GPR149: variants seen among roughly 807,000 people sequenced by gnomAD.
GPR149 encodes probable G protein-coupled receptor 149.
A neutral mutation model predicts 50.2 loss-of-function variants in GPR149; 50 were observed. The ratio of observed to expected loss-of-function variants is 1.00; its 90% confidence interval spans 0.79 to 1.26. The LOEUF (loss-of-function observed/expected upper bound fraction) is 1.26, where lower values mean the gene tolerates loss of function less well. GPR149 is among the 50% of genes most tolerant of loss of function. GPR149 has a pLI of 0.00. For synonymous variants in GPR149, 405 were observed against 358.2 expected, an observed-to-expected ratio of 1.13 and a Z score of -1.48; for missense variants, 983 against 895.4, an observed-to-expected ratio of 1.10 and a Z score of -1.25.
intron 3 of GPR149, among the ~76,000 whole-genome samples, chr3:154,369,567 C>T (rs536886689): frequency 2.0e-4 from 31 of 152,270 alleles, no homozygotes; most frequent in Non-Finnish European, 3.4e-4. Flanking sequence ...AAAGGCACAC[C>T]GGAAAGAGAA....
chr3:154,403,513 T>C (rs184454912), intron 3 of GPR149, among the ~76,000 whole-genome samples: 68 of 152,314 alleles, frequency 4.5e-4, no homozygotes, highest in African/African-American at 1.5e-3. Context: ...AGAACCAGAT[T>C]TCAAGGGGCT....
chr3:154,382,351 G>T (rs16823939), intron 3 of GPR149, among the ~76,000 whole-genome samples: 18,661 of 152,142 alleles, frequency 0.12, 1,310 homozygotes, highest in East Asian at 0.22. Context: ...AACACCAGGG[G>T]TCAGATGTAG....
intron 3 of GPR149, among the ~76,000 whole-genome samples, chr3:154,375,260 A>G (rs993695549): frequency 6.6e-6 from 1 of 152,176 alleles, no homozygotes; most frequent in East Asian, 1.9e-4. Context: ...GTTCCATGCC[A>G]AAACATTACA....
chr3:154,343,454 AGGG>A (rs1431556896), intron 3 of GPR149, among the ~76,000 whole-genome samples: 3 of 152,188 alleles, frequency 2.0e-5, no homozygotes, highest in African/African-American at 7.2e-5. Context: ...TCCAGGAGGT[AGGG>A]GTAGGGTACT....
intron 3 of GPR149, among the ~76,000 whole-genome samples, chr3:154,375,645 T>C (rs1388653529): frequency 6.6e-6 from 1 of 152,172 alleles, no homozygotes; most frequent in African/African-American, 2.4e-5. Flanking sequence ...TGTCCCTGAT[T>C]ATGGAAAGTA....
intron 3 of GPR149, among the ~76,000 whole-genome samples, chr3:154,418,841 T>C (rs1251639691): frequency 1.3e-5 from 2 of 152,008 alleles, no homozygotes; most frequent in Admixed American, 1.3e-4. Context: ...GAGGTCACTA[T>C]TCAACTTTGA....
At chr3:154,390,280 T>C (rs1345803124) in intron 3 of GPR149, among the ~76,000 whole-genome samples, 2 of 152,106 alleles carry the variant, frequency 1.3e-5, no homozygotes, top group Non-Finnish European at 2.9e-5. Context: ...ATGATTTACC[T>C]GATAGAAAAT....
At position 154,429,818 on chromosome 3, in the gene GPR149, G is replaced by T; in HGVS notation, c.-203C>A. On this transcript the variant is annotated 5_prime_UTR_variant, in exon 1 of 4. The change creates a premature stop within an existing upstream ORF in the 5' untranslated region. Transcript: ENST00000389740. ...ATTTAAAAATTAGGTTCCATTTCAA[G>T]CATAAAAAAAAAAAAACCCGAACAG... The T allele has an allele frequency of 1.8e-5, 6 of 337,146 alleles. No homozygotes were observed. The highest frequency in any genetic ancestry group is 3.0e-5 in the Non-Finnish European group (6 of 198,770). The allele number at this position is 337,146 out of a possible 1,614,324, so 20.9% of individuals were successfully genotyped here.
At position 154,346,606 on chromosome 3, in the gene GPR149, CT is replaced by C. The variant is rs531660881; in HGVS notation, c.1624-8336del. Reference sequence around the variant, plus strand: ...AAGGTTTTTCTTTTCTTTTCTTTTTCTTTTTTTTTTTTGAGATGGAATGTCA... The same window carrying C: ...AAGGTTTTTCTTTTCTTTTCTTTTTCTTTTTTTTTTTGAGATGGAATGTCA... On this transcript the variant is annotated intron_variant, in intron 3 of 3. Transcript: ENST00000389740. Among the ~76,000 whole-genome samples, 161 of 143,668 alleles carry C rather than the reference CT, an allele frequency of 1.1e-3. 2 individuals are homozygous for C. Among genetic ancestry groups the C allele is most frequent in the East Asian group, 1.6e-3 (8 of 4,990 alleles). The allele number at this position is 143,668 out of a possible 152,430, so 94.3% of individuals were successfully genotyped here.
At chr3:154,412,862 A>G (rs533005722) in intron 3 of GPR149, among the ~76,000 whole-genome samples, 1 of 152,298 alleles carries the variant, frequency 6.6e-6, no homozygotes, top group South Asian at 2.1e-4. Context: ...CTAAGCAAAG[A>G]GAACAAATCT....
chr3:154,352,678 T>A (rs954225977), intron 3 of GPR149: 23 of 780,724 alleles, frequency 2.9e-5, no homozygotes, highest in Middle Eastern at 3.6e-4. Context: ...CCCTTTCTCT[T>A]CTATCAGTCT....
chr3:154,353,606 A>G, intron 3 of GPR149: 1 of 1,271,668 alleles, frequency 7.9e-7, no homozygotes, highest in Admixed American at 1.7e-5. Context: ...TTGCACCATA[A>G]AAACACACCA....
At chr3:154,403,374 T>C (rs1015000138) in intron 3 of GPR149, among the ~76,000 whole-genome samples, 1 of 152,194 alleles carries the variant, frequency 6.6e-6, no homozygotes, top group Non-Finnish European at 1.5e-5. Context: ...TGCTTTATGC[T>C]AGGCAGTAGC....
intron 3 of GPR149, among the ~76,000 whole-genome samples, chr3:154,398,989 ATTATG>A (rs1715358903): frequency 6.6e-6 from 1 of 152,174 alleles, no homozygotes; most frequent in South Asian, 2.1e-4. Flanking sequence ...TTTTTCCCTC[ATTATG>A]TTATAACTTT....
intron 3 of GPR149, among the ~76,000 whole-genome samples, chr3:154,362,650 G>A (rs944578227): frequency 7.2e-5 from 11 of 152,130 alleles, no homozygotes; most frequent in Non-Finnish European, 1.6e-4. Flanking sequence ...CAATCAGAAT[G>A]CATTCTTTGT....
intron 3 of GPR149, among the ~76,000 whole-genome samples, chr3:154,406,221 A>T (rs1711682096): frequency 6.6e-6 from 1 of 152,200 alleles, no homozygotes; most frequent in Non-Finnish European, 1.5e-5. Context: ...CTGAGAAATC[A>T]TTTCTCTCCT....
At chr3:154,344,341 A>G (rs952808083) in intron 3 of GPR149, among the ~76,000 whole-genome samples, 6 of 152,240 alleles carry the variant, frequency 3.9e-5, no homozygotes, top group African/African-American at 1.2e-4. Flanking sequence ...TTTAAGGACA[A>G]CTTCAAAAAG....
At chr3:154,341,896 A>C (rs1051980556) in intron 3 of GPR149, among the ~76,000 whole-genome samples, 6 of 152,198 alleles carry the variant, frequency 3.9e-5, no homozygotes, top group African/African-American at 1.4e-4. Context: ...AAGTAGATAT[A>C]GTATACCCTG....
In GPR149 at chr3:154,421,069, ACAC is replaced by A; in HGVS notation, c.1590_1592del (p.Trp530del). 2 of 1,612,278 alleles carry A rather than the reference ACAC, an allele frequency of 1.2e-6. No individual in the cohort carries two copies. Among genetic ancestry groups the A allele is most frequent in the Non-Finnish European group, 1.7e-6 (2 of 1,179,160 alleles). The stretch of plus-strand genomic sequence containing the variant: ...GAGGGGTTCTTTCTGATTTACTCCT[ACAC>A]CACTCCCAGTCTGAAAGATCTGGTT... On this transcript the variant is annotated inframe_deletion, in exon 3 of 4. Coordinates refer to ENST00000389740, the MANE Select transcript of GPR149 (RefSeq NM_001038705.3).
Sources: gnomAD v4.1 joint callset for allele counts (sites outside exome capture counted in the v4.1 genomes callset) on GRCh38, gnomAD v4.1.1 for gene constraint, MANE v1.5 for transcripts, NCBI Gene and HGNC (gene_info 2026-07-23, HGNC 2026-07-21) for gene names.